PHF21B: variants seen among roughly 807,000 people sequenced by gnomAD.
PHF21B encodes PHD finger protein 21B, also known as PHD finger protein 4.
PHF21B carries 22 observed loss-of-function variants against 62.2 expected under a neutral mutation model. That is an observed-to-expected ratio of 0.35 (90% confidence interval 0.25 to 0.51). PHF21B has a LOEUF of 0.51. Among genes scored for constraint, PHF21B ranks in the 20% least tolerant of loss-of-function variants. PHF21B has a pLI of 0.97. For synonymous variants in PHF21B, 341 were observed against 314.7 expected (o/e 1.08, Z -0.88); for missense variants, 701 against 707.9 (o/e 0.99, Z 0.11).
In PHF21B at chr22:44,957,902, CA is replaced by C. The variant is rs1385591482; in HGVS notation, c.121-37413del. Among the ~76,000 whole-genome samples the C allele has an allele frequency of 2.5e-3, 195 of 78,128 alleles. 2 individuals are homozygous for C. Among genetic ancestry groups the C allele is most frequent in the African/African-American group, 7.5e-3 (180 of 24,000 alleles). 51.3% of individuals were successfully genotyped at this position (78,128 alleles called of 152,430 possible). A position where few individuals can be genotyped will look rare whatever the true frequency, so the allele number is the denominator to read the frequency against. The stretch of plus-strand genomic sequence containing the variant: ...CTAGCTGGACCTGATCACCACTGGA[CA>C]TTTTTTTTTTTTTTTTGAGATGGAG... On this transcript the variant is annotated intron_variant, in intron 2 of 12. Coordinates refer to ENST00000313237, the MANE Select transcript of PHF21B (RefSeq NM_138415.5).
At chr22:44,913,534 G>A (rs923649991) in intron 5 of PHF21B, among the ~76,000 whole-genome samples, 13 of 152,214 alleles carry the variant, frequency 8.5e-5, no homozygotes, top group African/African-American at 2.9e-4. Flanking sequence ...AGCTGCTCAC[G>A]GTCACACCAC....
At chr22:44,953,591 G>C (rs1025814302) in intron 2 of PHF21B, among the ~76,000 whole-genome samples, 2 of 152,104 alleles carry the variant, frequency 1.3e-5, no homozygotes, top group Admixed American at 6.5e-5. Flanking sequence ...GTGTCTCAGT[G>C]GGGGACTGGA....
chr22:44,887,362 G>A (rs1026234741), intron 10 of PHF21B, among the ~76,000 whole-genome samples: 2 of 152,102 alleles, frequency 1.3e-5, no homozygotes, highest in Admixed American at 6.5e-5. Context: ...TATAGCAGCT[G>A]TAAAGCCTGT....
rs961815156 is a variant in PHF21B at position 45,008,458 on chromosome 22, C to A, written c.120+87G>T. On this transcript the variant is annotated intron_variant, in intron 2 of 12. Coordinates refer to ENST00000313237, the MANE Select transcript of PHF21B (RefSeq NM_138415.5). ...CCTCTGGGAGTCTGAGCGTGCGTCG[C>A]CCAGGCTGGCACTTTTTAGGGCGCC... The A allele has an allele frequency of 7.6e-5, 99 of 1,306,146 alleles. 1 individual carries two copies. Among genetic ancestry groups the A allele is most frequent in the Middle Eastern group, 4.5e-4 (2 of 4,446 alleles). The allele number at this position is 1,306,146 out of a possible 1,614,324, so 80.9% of individuals were successfully genotyped here.
intron 2 of PHF21B, among the ~76,000 whole-genome samples, chr22:44,923,936 AGGAGGTTGAGG>A (rs2071583128): frequency 6.6e-6 from 1 of 151,784 alleles, no homozygotes; most frequent in African/African-American, 2.4e-5. Flanking sequence ...ACTTTAGGCC[AGGAGGTTGAGG>A]CTGCAGTGAG....
At chr22:44,958,465 C>T (rs2072347477) in intron 2 of PHF21B, among the ~76,000 whole-genome samples, 1 of 152,078 alleles carries the variant, frequency 6.6e-6, no homozygotes, top group Non-Finnish European at 1.5e-5. Flanking sequence ...CTGCCAATAC[C>T]CCTGTTTTAT....
At chr22:44,965,972 C>T (rs529889762) in intron 2 of PHF21B, among the ~76,000 whole-genome samples, 8 of 152,346 alleles carry the variant, frequency 5.3e-5, no homozygotes, top group South Asian at 4.1e-4. Flanking sequence ...TCCAAAGGCC[C>T]GGCTCCCACG....
At chr22:44,950,415 G>A (rs925552848) in intron 2 of PHF21B, among the ~76,000 whole-genome samples, 1 of 152,154 alleles carries the variant, frequency 6.6e-6, no homozygotes, top group African/African-American at 2.4e-5. Context: ...AAAAGTTCAC[G>A]ACAGATGTCC....
chr22:44,990,974 G>A (rs113130304), intron 2 of PHF21B, among the ~76,000 whole-genome samples: 22 of 152,322 alleles, frequency 1.4e-4, no homozygotes, highest in Non-Finnish European at 2.9e-4. Context: ...CACCAACAGC[G>A]GGCCCTGCTG....
chr22:44,956,075 C>T (rs1029601988), intron 2 of PHF21B, among the ~76,000 whole-genome samples: 1 of 152,330 alleles, frequency 6.6e-6, no homozygotes, highest in African/African-American at 2.4e-5. Flanking sequence ...CATCAGCCCG[C>T]GAGGAAGGGG....
chr22:44,941,372 C>T lies in PHF21B; in HGVS notation c.121-20882G>A, dbSNP rs1030472281. The stretch of plus-strand genomic sequence containing the variant: ...CAGGGCTGTTTGCCCCGGAGTGGAT[C>T]AGGCCAGTCCGTCCCTCTGTGACTC... On this transcript the variant is annotated intron_variant, in intron 2 of 12. Transcript: ENST00000313237. 6.0e-4 allele frequency among the ~76,000 whole-genome samples: 92 copies of T among 152,346 alleles called. 1 individual carries two copies. The highest frequency in any genetic ancestry group is 2.2e-3 in the African/African-American group (92 of 41,580).
intron 2 of PHF21B, among the ~76,000 whole-genome samples, chr22:44,945,369 G>C (rs2072046264): frequency 6.6e-6 from 1 of 152,234 alleles, no homozygotes; most frequent in Non-Finnish European, 1.5e-5. Flanking sequence ...TGAAGCATGG[G>C]AGGCACTTGT....
intron 2 of PHF21B, among the ~76,000 whole-genome samples, chr22:44,987,392 G>A (rs1166626736): frequency 6.6e-6 from 1 of 152,184 alleles, no homozygotes; most frequent in Non-Finnish European, 1.5e-5. Context: ...AGAGGCACCA[G>A]GACCTAAGCT....
In PHF21B at chr22:45,008,598, T is replaced by A. The variant is rs1932999320; in HGVS notation, c.67A>T (p.Lys23Ter). Residue 23 changes from lysine to a stop codon, truncating the protein, a stop_gained, in exon 2 of 13, where the codon AAG becomes TAG. Coordinates refer to ENST00000313237, the MANE Select transcript of PHF21B (RefSeq NM_138415.5). LOFTEE classifies it high-confidence loss of function. ...GGCTGCCTTTCGTGGAGCTGCTTCT[T>A]GAGGTCGCCGTTCTGCGGAAACACG... ...ELARHQNGDL[K>*]KQLHERQPRI... 6.3e-7 allele frequency: 1 copy of A among 1,588,710 alleles called. No homozygotes were observed.
intron 2 of PHF21B, among the ~76,000 whole-genome samples, chr22:44,970,304 T>C (rs933832285): frequency 9.2e-5 from 14 of 152,236 alleles, no homozygotes; most frequent in African/African-American, 3.1e-4. Flanking sequence ...TTCTGCACAC[T>C]ATTTTTATAG....
chr22:44,943,591 C>T lies in PHF21B; in HGVS notation c.121-23101G>A, dbSNP rs957990938. On this transcript the variant is annotated intron_variant, in intron 2 of 12. Coordinates refer to ENST00000313237, the MANE Select transcript of PHF21B (RefSeq NM_138415.5). ...GGCCCCGCGGGCTCTAGAGTCCTGG[C>T]AGCTGGCTCACACCGGGATACTTGA... 9.2e-5 allele frequency among the ~76,000 whole-genome samples: 14 copies of T among 152,194 alleles called. No homozygotes were observed. In the East Asian group the frequency reaches 2.7e-3, roughly 30 times the overall value.
intron 2 of PHF21B, among the ~76,000 whole-genome samples, chr22:44,985,085 C>T (rs1371205056): frequency 1.3e-5 from 2 of 152,186 alleles, no homozygotes; most frequent in Non-Finnish European, 2.9e-5. Flanking sequence ...GCTGGGGTAT[C>T]GACTTCAGTG....
chr22:44,928,636 CCGACCTCAAA>C (rs1429529055), intron 2 of PHF21B, among the ~76,000 whole-genome samples: 1 of 152,214 alleles, frequency 6.6e-6, no homozygotes, highest in Admixed American at 6.5e-5. Flanking sequence ...TCTCGAACTC[CCGACCTCAAA>C]CGATCTGCCC....
intron 2 of PHF21B, among the ~76,000 whole-genome samples, chr22:44,959,390 T>C (rs1984415953): frequency 6.6e-6 from 1 of 152,240 alleles, no homozygotes; most frequent in Non-Finnish European, 1.5e-5. Flanking sequence ...GGGCCTTTGC[T>C]CCTGCTGTCT....
Sources: allele counts gnomAD v4.1 joint callset (sites outside exome capture counted in the v4.1 genomes callset), GRCh38; gene constraint gnomAD v4.1.1; transcripts MANE v1.5; gene names NCBI Gene and HGNC (gene_info 2026-07-23, HGNC 2026-07-21).